Variants in FHOD3 observed in about 807,000 individuals in gnomAD.
FHOD3 encodes the protein FH1/FH2 domain-containing protein 3.
Under a neutral mutation model 173.0 loss-of-function variants are expected in FHOD3, and 90 were observed. The observed-to-expected ratio is 0.52, with a 90% CI of 0.44 to 0.62. FHOD3 has a LOEUF of 0.62. FHOD3 is among the 20% of genes least tolerant of loss of function. The pLI, the probability that FHOD3 is intolerant of heterozygous loss-of-function variation, is 0.00. For missense variants in FHOD3, 1,945 were observed against 2,034.7 expected (o/e 0.96, Z 0.85); for synonymous variants, 828 against 823.0 (o/e 1.01, Z -0.10).
chr18:36,667,707 A>G (rs1172232875), intron 14 of FHOD3, among the ~76,000 whole-genome samples: 1 of 152,166 alleles, frequency 6.6e-6, no homozygotes, highest in African/African-American at 2.4e-5. Flanking sequence ...AAGCATGAAC[A>G]TTACTGTTCA....
intron 2 of FHOD3, among the ~76,000 whole-genome samples, chr18:36,367,207 T>TTAGCGGTAGTGCCGTTGTG (rs2046941600): frequency 6.6e-6 from 1 of 152,242 alleles, no homozygotes; most frequent in Non-Finnish European, 1.5e-5. Flanking sequence ...GAAAGTTCTT[T>TTAGCGGTAGTGCCGTTGTG]TAGCGGTAGT....
At chr18:36,719,522 G>T (rs1314196956) in intron 19 of FHOD3, among the ~76,000 whole-genome samples, 6 of 152,186 alleles carry the variant, frequency 3.9e-5, no homozygotes, top group African/African-American at 1.4e-4. Flanking sequence ...ACCCATTCTG[G>T]ATATTTTCCA....
chr18:36,336,236 A>G (rs1351357844), intron 1 of FHOD3, among the ~76,000 whole-genome samples: 2 of 152,174 alleles, frequency 1.3e-5, no homozygotes, highest in African/African-American at 4.8e-5. Flanking sequence ...AAGTCCCTTC[A>G]CCTTGAATGC....
chr18:36,381,039 G>T (rs2047755799), intron 3 of FHOD3, among the ~76,000 whole-genome samples: 1 of 152,202 alleles, frequency 6.6e-6, no homozygotes, highest in South Asian at 2.1e-4. Flanking sequence ...CTGGCCTGAT[G>T]CTCCTCCTTT....
intron 2 of FHOD3, among the ~76,000 whole-genome samples, chr18:36,369,001 A>G (rs950152843): frequency 6.6e-6 from 1 of 152,142 alleles, no homozygotes; most frequent in Non-Finnish European, 1.5e-5. Flanking sequence ...AATTTTCTGA[A>G]TACTAAATCT....
intron 1 of FHOD3, among the ~76,000 whole-genome samples, chr18:36,319,698 C>T (rs1328529596): frequency 1.3e-5 from 2 of 152,174 alleles, no homozygotes; most frequent in African/African-American, 4.8e-5. Context: ...TTTTCAGCAC[C>T]ACATCGCACT....
intron 3 of FHOD3, among the ~76,000 whole-genome samples, chr18:36,375,855 A>G (rs1282979986): frequency 1.3e-5 from 2 of 152,206 alleles, no homozygotes; most frequent in Non-Finnish European, 2.9e-5. Flanking sequence ...TCTGTGCTTT[A>G]TCTCCACTGT....
chr18:36,618,087 TTGA>T (rs2033378218), intron 9 of FHOD3, among the ~76,000 whole-genome samples: 1 of 152,150 alleles, frequency 6.6e-6, no homozygotes, highest in African/African-American at 2.4e-5. Flanking sequence ...GTCTATTTTG[TTGA>T]TTTTTTTTCA....
intron 5 of FHOD3, among the ~76,000 whole-genome samples, chr18:36,520,667 A>G (rs749397370): frequency 3.3e-5 from 5 of 152,246 alleles, no homozygotes; most frequent in Non-Finnish European, 7.3e-5. Context: ...GCTTCAGCTT[A>G]AAGAGCCATT....
intron 1 of FHOD3, among the ~76,000 whole-genome samples, chr18:36,353,184 G>C (rs1477492617): frequency 6.6e-6 from 1 of 152,210 alleles, no homozygotes; most frequent in Admixed American, 6.5e-5. Flanking sequence ...GCTCAAGAAT[G>C]CTGAAATTCA....
intron 1 of FHOD3, among the ~76,000 whole-genome samples, chr18:36,304,692 A>T (rs931440058): frequency 1.3e-5 from 2 of 152,196 alleles, no homozygotes; most frequent in African/African-American, 2.4e-5. Flanking sequence ...ATCAATTCCC[A>T]TGATGAAGTA....
intron 14 of FHOD3, among the ~76,000 whole-genome samples, chr18:36,669,916 T>C (rs752616084): frequency 7.9e-5 from 12 of 152,156 alleles, no homozygotes; most frequent in Non-Finnish European, 1.3e-4. Flanking sequence ...TTTCTTTTAG[T>C]GCAGGTCTAG....
At chr18:36,409,371 T>G (rs559970147) in intron 3 of FHOD3, among the ~76,000 whole-genome samples, 2 of 152,330 alleles carry the variant, frequency 1.3e-5, no homozygotes, top group South Asian at 4.1e-4. Context: ...TTGGCTGTCA[T>G]GTCTGATCAC....
chr18:36,763,381 C>T (rs1477160754), intron 27 of FHOD3, among the ~76,000 whole-genome samples: 3 of 144,378 alleles, frequency 2.1e-5, no homozygotes, highest in South Asian at 4.3e-4. Flanking sequence ...GCGTATTATA[C>T]ACGTTATATA....
intron 7 of FHOD3, among the ~76,000 whole-genome samples, 198 bp downstream of exon 7, chr18:36,595,096 G>A (rs987296069): frequency 3.3e-5 from 5 of 152,270 alleles, no homozygotes; most frequent in East Asian, 1.9e-4. Flanking sequence ...TGAAAGAAAA[G>A]TGCTCATGAG....
At chr18:36,689,504 A>G (rs2038828953) in intron 16 of FHOD3, among the ~76,000 whole-genome samples, 1 of 152,218 alleles carries the variant, frequency 6.6e-6, no homozygotes, top group Non-Finnish European at 1.5e-5. Flanking sequence ...ATAATTTCAG[A>G]CAAACTATGT....
chr18:36,769,593 G>C (rs1297126498), intron 28 of FHOD3, among the ~76,000 whole-genome samples, 167 bp downstream of exon 28: 1 of 152,174 alleles, frequency 6.6e-6, no homozygotes, highest in African/African-American at 2.4e-5. Context: ...TGTTGACGTT[G>C]GCCATTGTGG....
chr18:36,549,289 A>G (rs2057540410), intron 5 of FHOD3, among the ~76,000 whole-genome samples: 1 of 151,564 alleles, frequency 6.6e-6, no homozygotes, highest in Non-Finnish European at 1.5e-5. Flanking sequence ...TTCTTATTTG[A>G]TATTATTGTT....
At chr18:36,391,906 A>G (rs1405216381) in intron 3 of FHOD3, among the ~76,000 whole-genome samples, 1 of 152,106 alleles carries the variant, frequency 6.6e-6, no homozygotes, top group Non-Finnish European at 1.5e-5. Flanking sequence ...ATGTCTCCCC[A>G]TGCCACAGGG....
Sources: gnomAD v4.1 joint callset for allele counts (sites outside exome capture counted in the v4.1 genomes callset) on GRCh38, gnomAD v4.1.1 for gene constraint, MANE v1.5 for transcripts, NCBI Gene and HGNC (gene_info 2026-07-23, HGNC 2026-07-21) for gene names.